MAP4K5: variants seen among roughly 807,000 people sequenced by gnomAD.
MAP4K5 encodes MAPK/ERK kinase kinase kinase 5.
Under a neutral mutation model 135.6 loss-of-function variants are expected in MAP4K5, and 82 were observed. The observed-to-expected ratio is 0.60, with a 90% confidence interval of 0.51 to 0.73. The LOEUF (loss-of-function observed/expected upper bound fraction) is 0.73, where lower values mean the gene tolerates loss of function less well. Among genes scored for constraint, MAP4K5 ranks in the 30% least tolerant of loss-of-function variants. The probability of loss-of-function intolerance (pLI) is 0.00; values close to 1 mark genes in which losing one functional copy is unlikely to be tolerated. For missense variants in MAP4K5, 907 were observed against 1,010.9 expected (o/e 0.90, Z 1.39); for synonymous variants, 347 against 335.0 (o/e 1.04, Z -0.39).
At chr14:50,544,289 A>G (rs2038600595) in intron 1 of MAP4K5, among the ~76,000 whole-genome samples, 1 of 152,234 alleles carries the variant, frequency 6.6e-6, no homozygotes, top group South Asian at 2.1e-4. Flanking sequence ...CCTTGGGCCC[A>G]ATAACTACCC....
Position 50,464,152 on chromosome 14 carries a change from G to A in MAP4K5, c.738-19C>T, listed in dbSNP as rs73286564. ...TGATGACCTTAAAATAAAAAGAGACGTACAAAAATATTTCACTACTATTAC... is the reference window on the plus strand; with the variant it reads ...TGATGACCTTAAAATAAAAAGAGACATACAAAAATATTTCACTACTATTAC... On this transcript the variant is annotated intron_variant, in intron 11 of 32. Transcript: ENST00000682126. 91 of 1,255,650 alleles carry A rather than the reference G, an allele frequency of 7.2e-5. No homozygotes were observed. In the African/African-American group the frequency reaches 9.3e-4, roughly 13 times the overall value. 77.8% of individuals were successfully genotyped at this position (1,255,650 alleles called of 1,614,324 possible). A position where few individuals can be genotyped will look rare whatever the true frequency, so the allele number is the denominator to read the frequency against.
chr14:50,427,783 TAGAG>T (rs1208394949), intron 30 of MAP4K5, among the ~76,000 whole-genome samples: 1 of 152,142 alleles, frequency 6.6e-6, no homozygotes, highest in Admixed American at 6.5e-5. Context: ...CAATGAGTAT[TAGAG>T]AGTAAAACAT....
chr14:50,560,305 T>C, intron 1 of MAP4K5: 2 of 1,613,610 alleles, frequency 1.2e-6, no homozygotes, highest in East Asian at 2.2e-5. Context: ...TTGGGGTGAG[T>C]AGCAAATGAG....
At chr14:50,518,148 A>G (rs988054513) in intron 2 of MAP4K5, among the ~76,000 whole-genome samples, 1 of 152,262 alleles carries the variant, frequency 6.6e-6, no homozygotes. Context: ...TTCCAAACAC[A>G]GTATATCCTT....
chr14:50,450,261 G>C (rs1255558463), intron 14 of MAP4K5: 1 of 152,100 alleles, frequency 6.6e-6, no homozygotes, highest in Non-Finnish European at 1.5e-5. Context: ...TTAAATAACA[G>C]AAATTGGACT....
At chr14:50,514,928 G>T (rs1253539959) in intron 2 of MAP4K5, among the ~76,000 whole-genome samples, 2 of 148,350 alleles carry the variant, frequency 1.3e-5, no homozygotes, top group African/African-American at 5.0e-5. Flanking sequence ...TTTTGAGATG[G>T]AGTCTCGCTC....
At position 50,468,798 on chromosome 14, in the gene MAP4K5, G is replaced by C. The variant is rs1347263240; in HGVS notation, c.543-16C>G. The C allele has an allele frequency of 1.3e-6, 2 of 1,595,952 alleles. No individual in the cohort carries two copies. Among genetic ancestry groups the C allele is most frequent in the African/African-American group, 1.3e-5 (1 of 74,652 alleles). On this transcript the variant is annotated splice_polypyrimidine_tract_variant and intron_variant, in intron 9 of 32. Transcript: ENST00000682126. ...TGGGGCCATCCTAGAAGGAATCAATGAATACAACATTTTTGTTGTTAAATA... is the reference window on the plus strand; with the variant it reads ...TGGGGCCATCCTAGAAGGAATCAATCAATACAACATTTTTGTTGTTAAATA...
At chr14:50,534,220 A>C (rs1164840416), upstream of MAP4K5, among the ~76,000 whole-genome samples, 3 of 152,194 alleles carry the variant, frequency 2.0e-5, no homozygotes, top group Non-Finnish European at 4.4e-5. Context: ...AGGGAATTTC[A>C]GGCAGCACAC....
chr14:50,528,829 C>T (rs1242374305), intron 2 of MAP4K5, among the ~76,000 whole-genome samples: 2 of 152,084 alleles, frequency 1.3e-5, no homozygotes, highest in African/African-American at 2.4e-5. Flanking sequence ...TCTAAAACGT[C>T]CTAGGATGTT....
At position 50,429,243 on chromosome 14, in the gene MAP4K5, A is replaced by T; in HGVS notation, c.2182T>A (p.Ser728Thr). Residue 728 changes from serine (S) to threonine (T), a missense_variant, in exon 29 of 33, where the codon TCC (serine) becomes ACC (threonine). Transcript: ENST00000682126. ...EIGAGSQQLD[S>T]IHVTQLERDT... ...CTCTCCAACTGTGTTACATGAATGG[A>T]ATCTAACTGCTGGCTGCCTTAGGAA... is the stretch of plus-strand genomic sequence containing the variant. 6.4e-7 allele frequency: 1 copy of T among 1,563,304 alleles called. No homozygotes were observed. The highest frequency in any genetic ancestry group is 8.7e-7 in the Non-Finnish European group (1 of 1,151,958).
intron 4 of MAP4K5, 64 bp downstream of exon 4, chr14:50,486,040 G>A: frequency 1.5e-6 from 1 of 670,320 alleles, no homozygotes; most frequent in Non-Finnish European, 2.6e-6. Flanking sequence ...ACATACAAGG[G>A]AGAGAGTGTA....
intron 3 of MAP4K5, among the ~76,000 whole-genome samples, chr14:50,504,476 C>A (rs1363247821): frequency 6.6e-6 from 1 of 152,018 alleles, no homozygotes; most frequent in Non-Finnish European, 1.5e-5. Context: ...CAAATATTCA[C>A]CCCAAAAAAT....
intron 28 of MAP4K5, among the ~76,000 whole-genome samples, chr14:50,433,614 G>T (rs577560946): frequency 6.6e-6 from 1 of 152,262 alleles, no homozygotes; most frequent in South Asian, 2.1e-4. Flanking sequence ...AAAGCCAAAG[G>T]TTATTTAATA....
At chr14:50,530,920 ACCTAACCCCAGAGGAATCTACTGGTT>A in intron 2 of MAP4K5, among the ~76,000 whole-genome samples, 1 of 152,200 alleles carries the variant, frequency 6.6e-6, no homozygotes, top group Non-Finnish European at 1.5e-5. Context: ...CAAAACAACA[ACCTAACCCCAGAGGAATCTACTGGTT>A]AATTACCCAA....
intron 6 of MAP4K5, among the ~76,000 whole-genome samples, chr14:50,479,835 T>C (rs972903665): frequency 1.3e-5 from 2 of 152,196 alleles, no homozygotes; most frequent in Admixed American, 1.3e-4. Context: ...TTAAATACTC[T>C]AACTGGCTTG....
rs2037093336 is a variant in MAP4K5, at chr14:50,476,170, C to T, written c.427G>A (p.Gly143Ser). Residue 143 changes from glycine to serine, a missense_variant and splice_region_variant, in exon 8 of 33, where the codon GGT becomes AGT. By Grantham distance (56) the Gly-to-Ser change is moderately conservative (BLOSUM62 0). Around this residue, in one of 3 missense-constraint regions of MAP4K5, gnomAD observed 196 missense variants for 189.3 expected, o/e 1.04. Coordinates refer to ENST00000682126, the MANE Select transcript of MAP4K5 (RefSeq NM_006575.6). ...TGGTCTGTCAATAAAATATTAGCACCCTAGAACAAAAATACAAATACAATT... is the reference window on the plus strand; with the variant it reads ...TGGTCTGTCAATAAAATATTAGCACTCTAGAACAAAAATACAAATACAATT... ...TKGKMHRDIK[G>S]ANILLTDHGD... 6.6e-7 allele frequency: 1 copy of T among 1,507,200 alleles called. No homozygotes were observed. The allele number at this position is 1,507,200 out of a possible 1,614,324, so 93.4% of individuals were successfully genotyped here. A position where few individuals can be genotyped will look rare whatever the true frequency, so the allele number is the denominator to read the frequency against.
chr14:50,469,523 A>C (rs2036908939), intron 9 of MAP4K5, among the ~76,000 whole-genome samples: 1 of 152,168 alleles, frequency 6.6e-6, no homozygotes, highest in African/African-American at 2.4e-5. Flanking sequence ...TATGAGGTCA[A>C]ACAATCTAAA....
chr14:50,433,363 G>C (rs931802714), intron 28 of MAP4K5, among the ~76,000 whole-genome samples: 1 of 152,136 alleles, frequency 6.6e-6, no homozygotes, highest in Admixed American at 6.5e-5. Flanking sequence ...GGCTTGTACT[G>C]AGTTAAACTT....
Position 50,478,080 on chromosome 14 carries a change from G to C in MAP4K5, c.379-1774C>G, listed in dbSNP as rs75690101. Among the ~76,000 whole-genome samples the C allele has an allele frequency of 1.0e-2, 1,516 of 152,192 alleles. 11 individuals are homozygous for C. The highest frequency in any genetic ancestry group is 0.015 in the Non-Finnish European group (1,050 of 67,974). On this transcript the variant is annotated intron_variant, in intron 6 of 32. Transcript: ENST00000682126. ...TAGAATTTACTGTATGGCATCATCT[G>C]GCCCGGAGTTTTCTTTGTGAGAATA...
Sources: allele counts gnomAD v4.1 joint callset (sites outside exome capture counted in the v4.1 genomes callset), GRCh38; gene constraint gnomAD v4.1.1; regional missense constraint gnomAD v4.1.1; transcripts MANE v1.5; gene names NCBI Gene and HGNC (gene_info 2026-07-23, HGNC 2026-07-21).